Variants in CSMD3 observed in about 807,000 individuals in gnomAD.
CSMD3 encodes CUB and Sushi multiple domains 3.
CSMD3 carries 177 observed loss-of-function variants against 435.2 expected under a neutral mutation model. The ratio of observed to expected loss-of-function variants is 0.41; its 90% CI spans 0.36 to 0.46. The LOEUF (loss-of-function observed/expected upper bound fraction) is 0.46, where lower values mean the gene tolerates loss of function less well. CSMD3 is among the 20% of genes least tolerant of loss of function. The pLI is 0.34. For synonymous variants in CSMD3, 1,656 were observed against 1,520.5 expected, an observed-to-expected ratio of 1.09 and a Z score of -2.07; for missense variants, 4,265 against 4,504.6, an observed-to-expected ratio of 0.95 and a Z score of 1.52.
rs577922018 is a variant in CSMD3 at position 112,758,760 on chromosome 8, G to A, written c.1972+41402C>T. Among the ~76,000 whole-genome samples the A allele has an allele frequency of 2.0e-5, 3 of 152,214 alleles. No homozygotes were observed. In the East Asian group the frequency reaches 5.8e-4, roughly 29 times the overall value. Reference sequence around the variant, plus strand: ...TTCTACCTCATGATAACATTTAAAGGAGATAATGCACATGAAGATTTTAAC... The same window carrying A: ...TTCTACCTCATGATAACATTTAAAGAAGATAATGCACATGAAGATTTTAAC... On this transcript the variant is annotated intron_variant, in intron 13 of 70. Transcript: ENST00000297405.
At chr8:112,477,349 C>T (rs2130780611) in intron 31 of CSMD3, among the ~76,000 whole-genome samples, 1 of 152,228 alleles carries the variant, frequency 6.6e-6, no homozygotes, top group East Asian at 1.9e-4. Flanking sequence ...TATATGGATT[C>T]TGGGTTCTAT....
intron 13 of CSMD3, among the ~76,000 whole-genome samples, chr8:112,753,243 A>C (rs1253965744): frequency 6.6e-6 from 1 of 152,202 alleles, no homozygotes; most frequent in African/African-American, 2.4e-5. Context: ...AAAAATGGAA[A>C]ATGACAAAAC....
intron 2 of CSMD3, among the ~76,000 whole-genome samples, chr8:113,295,180 C>T (rs1017243458): frequency 1.1e-4 from 17 of 152,052 alleles, no homozygotes; most frequent in African/African-American, 2.2e-4. Flanking sequence ...CTGTTATAAA[C>T]GTCCCAATTA....
intron 10 of CSMD3, among the ~76,000 whole-genome samples, chr8:112,888,512 C>G (rs1283821569): frequency 1.3e-5 from 2 of 151,628 alleles, no homozygotes; most frequent in African/African-American, 4.8e-5. Flanking sequence ...GGCGTTGAAA[C>G]AAGCCCGGAA....
intron 6 of CSMD3, among the ~76,000 whole-genome samples, chr8:112,981,982 A>G (rs1387448222): frequency 3.3e-5 from 5 of 151,992 alleles, no homozygotes; most frequent in African/African-American, 1.2e-4. Flanking sequence ...TACAAAAAAT[A>G]TAATAAGAGT....
At chr8:112,988,490 A>C (rs910269511) in intron 6 of CSMD3, among the ~76,000 whole-genome samples, 2 of 152,048 alleles carry the variant, frequency 1.3e-5, no homozygotes, top group Admixed American at 1.3e-4. Context: ...AACAGTTCTT[A>C]GTAATCTAAT....
intron 6 of CSMD3, among the ~76,000 whole-genome samples, chr8:112,988,444 T>C (rs567617376): frequency 6.6e-6 from 1 of 152,190 alleles, no homozygotes; most frequent in African/African-American, 2.4e-5. Context: ...CTATGTTCTA[T>C]TTTGTCTTTT....
At chr8:112,746,266 T>C (rs1189827461) in intron 13 of CSMD3, among the ~76,000 whole-genome samples, 2 of 152,210 alleles carry the variant, frequency 1.3e-5, no homozygotes, top group Non-Finnish European at 2.9e-5. Flanking sequence ...GCAATAACTG[T>C]TCTGCTCCAC....
chr8:113,007,263 C>T (rs543354258), intron 6 of CSMD3, among the ~76,000 whole-genome samples: 5 of 152,032 alleles, frequency 3.3e-5, no homozygotes, highest in African/African-American at 1.2e-4. Context: ...GGCTGAATTG[C>T]TCTCCTTAAA....
intron 12 of CSMD3, among the ~76,000 whole-genome samples, chr8:112,803,639 A>G (rs1347585938): frequency 6.6e-6 from 1 of 152,210 alleles, no homozygotes; most frequent in African/African-American, 2.4e-5. Context: ...ATAAACAGTA[A>G]CATGGAAAAT....
At chr8:112,309,341 T>A (rs1452123060) in intron 50 of CSMD3, among the ~76,000 whole-genome samples, 7 of 151,886 alleles carry the variant, frequency 4.6e-5, no homozygotes, top group South Asian at 4.1e-4. Flanking sequence ...TGTGTATGTG[T>A]GTATATAAAT....
chr8:112,373,938 A>T (rs936383335), intron 38 of CSMD3, among the ~76,000 whole-genome samples: 1 of 152,132 alleles, frequency 6.6e-6, no homozygotes, highest in Non-Finnish European at 1.5e-5. Context: ...TCTATGTAGC[A>T]CTTGATCCAC....
At chr8:112,767,890 A>T (rs1048691715) in intron 13 of CSMD3, among the ~76,000 whole-genome samples, 1 of 151,790 alleles carries the variant, frequency 6.6e-6, no homozygotes, top group Admixed American at 6.6e-5. Flanking sequence ...AGCCTTTTAT[A>T]TCTCTGAATT....
chr8:113,300,769 T>G (rs2093759836), intron 2 of CSMD3, among the ~76,000 whole-genome samples: 1 of 152,076 alleles, frequency 6.6e-6, no homozygotes, highest in Non-Finnish European at 1.5e-5. Flanking sequence ...GGATTATATG[T>G]ATCCCAAAGC....
At chr8:113,186,775 G>T (rs563631025) in intron 3 of CSMD3, among the ~76,000 whole-genome samples, 11 of 152,068 alleles carry the variant, frequency 7.2e-5, no homozygotes, top group African/African-American at 2.6e-4. Context: ...TTTATTTAAC[G>T]TTCCACAGCA....
intron 35 of CSMD3, among the ~76,000 whole-genome samples, chr8:112,405,576 T>C (rs900049247): frequency 5.3e-5 from 8 of 151,690 alleles, no homozygotes; most frequent in African/African-American, 1.9e-4. Flanking sequence ...TATTTACCAA[T>C]GCAAGTTAGA....
intron 3 of CSMD3, among the ~76,000 whole-genome samples, chr8:113,181,196 T>C (rs970834361): frequency 3.3e-5 from 5 of 151,928 alleles, no homozygotes; most frequent in African/African-American, 1.2e-4. Context: ...CTGATTAAAA[T>C]GTATTATAAG....
intron 40 of CSMD3, among the ~76,000 whole-genome samples, chr8:112,348,077 C>A (rs959676725): frequency 2.0e-5 from 3 of 152,108 alleles, no homozygotes; most frequent in African/African-American, 7.2e-5. Flanking sequence ...AAAGAGATAA[C>A]AACAACAGAA....
At chr8:112,854,231 C>G (rs553408847) in intron 11 of CSMD3, among the ~76,000 whole-genome samples, 1 of 152,242 alleles carries the variant, frequency 6.6e-6, no homozygotes, top group East Asian at 1.9e-4. Flanking sequence ...TGTAGTCATT[C>G]ATATCAAGAG....
Sources: gnomAD v4.1 joint callset for allele counts (sites outside exome capture counted in the v4.1 genomes callset) on GRCh38, gnomAD v4.1.1 for gene constraint, MANE v1.5 for transcripts, NCBI Gene and HGNC (gene_info 2026-07-23, HGNC 2026-07-21) for gene names.